Variants in GNG7 observed in about 807,000 individuals in gnomAD.
GNG7 encodes the protein G protein subunit gamma 7.
A neutral mutation model predicts 4.0 loss-of-function variants in GNG7; 1 was observed. The ratio of observed to expected loss-of-function variants is 0.25; its 90% CI spans 0.09 to 1.18. The LOEUF is 1.18. Ranked by LOEUF, GNG7 falls within the 50% of genes most tolerant of loss-of-function variation. GNG7 has a pLI of 0.50. For synonymous variants in GNG7, 34 were observed against 36.9 expected, an observed-to-expected ratio of 0.92 and a Z score of 0.29; for missense variants, 86 against 91.9, an observed-to-expected ratio of 0.94 and a Z score of 0.26.
At chr19:2,597,318 C>T (rs1981050799) in intron 2 of GNG7, among the ~76,000 whole-genome samples, 1 of 152,124 alleles carries the variant, frequency 6.6e-6, no homozygotes, top group African/African-American at 2.4e-5. Context: ...TACTTGGGGC[C>T]AGTCACAGTG....
At chr19:2,608,823 C>T (rs1188748676) in intron 2 of GNG7, among the ~76,000 whole-genome samples, 4 of 152,218 alleles carry the variant, frequency 2.6e-5, no homozygotes, top group Non-Finnish European at 5.9e-5. Flanking sequence ...TCATCAGACC[C>T]CTGCAGGCCT....
chr19:2,637,000 C>T (rs1188806042), intron 2 of GNG7, among the ~76,000 whole-genome samples: 1 of 151,922 alleles, frequency 6.6e-6, no homozygotes, highest in African/African-American at 2.4e-5. Flanking sequence ...ACCTCTGTCC[C>T]CACCTGCACC....
intron 2 of GNG7, chr19:2,643,061 C>A: frequency 2.2e-6 from 1 of 452,936 alleles, no homozygotes; most frequent in Non-Finnish European, 4.4e-6. Flanking sequence ...GAGCCCTCTC[C>A]GGGCTCTGCA....
At chr19:2,563,480 T>A (rs1979809533) in intron 2 of GNG7, among the ~76,000 whole-genome samples, 1 of 152,020 alleles carries the variant, frequency 6.6e-6, no homozygotes, top group Admixed American at 6.6e-5. Flanking sequence ...AGGTCACACT[T>A]TTTTTTGTTT....
intron 2 of GNG7, among the ~76,000 whole-genome samples, chr19:2,584,529 C>A (rs1230077050): frequency 6.8e-6 from 1 of 147,634 alleles, no homozygotes; most frequent in Non-Finnish European, 1.5e-5. Flanking sequence ...CCCAAGAGGT[C>A]AAGGCTGCAG....
chr19:2,565,511 CA>C (rs147226705), intron 2 of GNG7, among the ~76,000 whole-genome samples: 149 of 116,508 alleles, frequency 1.3e-3, no homozygotes, highest in African/African-American at 3.1e-3. Context: ...GACTCTGTCT[CA>C]AAAAAAAAAA....
chr19:2,648,888 T>G (rs1308692555), intron 1 of GNG7, among the ~76,000 whole-genome samples: 2 of 151,968 alleles, frequency 1.3e-5, no homozygotes, highest in African/African-American at 4.8e-5. Flanking sequence ...TTTTTTGTTT[T>G]TTGTTTTTTG....
chr19:2,625,046 A>G (rs1981982583), intron 2 of GNG7, among the ~76,000 whole-genome samples: 1 of 152,140 alleles, frequency 6.6e-6, no homozygotes, highest in South Asian at 2.1e-4. Flanking sequence ...CCGAGGGTGC[A>G]TGTGTTGTCC....
intron 1 of GNG7, among the ~76,000 whole-genome samples, chr19:2,652,588 C>T (rs1186291700): frequency 1.3e-5 from 2 of 152,142 alleles, no homozygotes; most frequent in African/African-American, 4.8e-5. Context: ...CACCTGCACT[C>T]CAGCCTGGGG....
chr19:2,522,288 G>A (rs1978313089), intron 3 of GNG7, among the ~76,000 whole-genome samples: 1 of 152,152 alleles, frequency 6.6e-6, no homozygotes, highest in South Asian at 2.1e-4. Context: ...TGATGGGGGT[G>A]GCAGGGGCAG....
At chr19:2,661,312 G>GAAAGAAAGAAAGAA in intron 1 of GNG7, among the ~76,000 whole-genome samples, 1 of 132,690 alleles carries the variant, frequency 7.5e-6, no homozygotes, top group Non-Finnish European at 1.6e-5. Context: ...GAGAAAGAAA[G>GAAAGAAAGAAAGAA]AAAGAAAGAA....
chr19:2,525,157 G>A (rs1978351710), intron 3 of GNG7, among the ~76,000 whole-genome samples: 1 of 152,150 alleles, frequency 6.6e-6, no homozygotes, highest in South Asian at 2.1e-4. Flanking sequence ...CGGGTGCCGG[G>A]CACCCCGACC....
intron 1 of GNG7, among the ~76,000 whole-genome samples, chr19:2,688,588 G>A (rs748636688): frequency 1.3e-5 from 2 of 152,076 alleles, no homozygotes; most frequent in Non-Finnish European, 2.9e-5. Flanking sequence ...ATACCCAGCC[G>A]GTCCCCCTAA....
At chr19:2,629,743 C>T (rs896295435) in intron 2 of GNG7, among the ~76,000 whole-genome samples, 4 of 152,210 alleles carry the variant, frequency 2.6e-5, no homozygotes, top group African/African-American at 9.6e-5. Flanking sequence ...TCCCGCCTCC[C>T]TCTGACCCCA....
At chr19:2,631,484 G>A (rs1036143679) in intron 2 of GNG7, among the ~76,000 whole-genome samples, 4 of 152,240 alleles carry the variant, frequency 2.6e-5, no homozygotes, top group East Asian at 1.9e-4. Flanking sequence ...AGCAGTCACT[G>A]ATGACAGGTA....
chr19:2,632,300 G>C (rs1031440002), intron 2 of GNG7, among the ~76,000 whole-genome samples: 4 of 151,948 alleles, frequency 2.6e-5, no homozygotes, highest in African/African-American at 9.7e-5. Flanking sequence ...GTGGTGTCAG[G>C]CACCTGTAAT....
rs998174144 is a variant in GNG7 at position 2,633,657 on chromosome 19, G to A, written c.-78+12567C>T. On this transcript the variant is annotated intron_variant, in intron 2 of 4. Coordinates refer to ENST00000382159, the MANE Select transcript of GNG7 (RefSeq NM_052847.3). This position sits in a 1 kb window ranked among gnomAD's most constrained non-coding sequence, Gnocchi z 5.9. ...GTGGTCGCAATAACAGCTCTGAAAC[G>A]GGGATTCATTGAGAGGACATCGGTG... is the stretch of plus-strand genomic sequence containing the variant. Among the ~76,000 whole-genome samples the A allele has an allele frequency of 1.3e-5, 2 of 152,174 alleles. No individual in the cohort carries two copies. The highest frequency in any genetic ancestry group is 2.1e-4 in the South Asian group (1 of 4,810).
At chr19:2,594,008 C>T (rs1315909856) in intron 2 of GNG7, among the ~76,000 whole-genome samples, 1 of 149,324 alleles carries the variant, frequency 6.7e-6, no homozygotes, top group Non-Finnish European at 1.5e-5. Context: ...TTAAAACAAA[C>T]ATGAGGTGCT....
chr19:2,677,343 T>C (rs1056229569), intron 1 of GNG7, among the ~76,000 whole-genome samples: 9 of 151,744 alleles, frequency 5.9e-5, no homozygotes, highest in African/African-American at 2.2e-4. Context: ...AGGTGGTGTC[T>C]GGGGGCATTT....
Sources: gnomAD v4.1 joint callset for allele counts (sites outside exome capture counted in the v4.1 genomes callset) on GRCh38, gnomAD v4.1.1 for gene constraint, Gnocchi (gnomAD v3.1) non-coding constraint, MANE v1.5 for transcripts, NCBI Gene and HGNC (gene_info 2026-07-23, HGNC 2026-07-21) for gene names.